RYR2: variants seen among roughly 807,000 people sequenced by gnomAD.
The protein encoded by RYR2 is cardiac muscle ryanodine receptor-calcium release channel.
A neutral mutation model predicts 601.1 loss-of-function variants in RYR2; 227 were observed. That is an observed-to-expected ratio of 0.38 (90% CI 0.34 to 0.42). The LOEUF is 0.42. RYR2 is among the 10% of genes least tolerant of loss of function. The probability of loss-of-function intolerance (pLI) is 1.00; values close to 1 mark genes in which losing one functional copy is unlikely to be tolerated. For missense variants in RYR2, 4,646 were observed against 6,156.5 expected, an observed-to-expected ratio of 0.75 and a Z score of 8.21; for synonymous variants, 2,223 against 2,175.1, an observed-to-expected ratio of 1.02 and a Z score of -0.61.
At chr1:237,343,596 C>G (rs1343374932) in intron 3 of RYR2, among the ~76,000 whole-genome samples, 6 of 152,042 alleles carry the variant, frequency 3.9e-5, no homozygotes, top group African/African-American at 1.2e-4. Context: ...TAGTGATTAT[C>G]TTTACACAGT....
chr1:237,273,107 A>G (rs1689869021), intron 2 of RYR2, among the ~76,000 whole-genome samples: 1 of 152,100 alleles, frequency 6.6e-6, no homozygotes, highest in African/African-American at 2.4e-5. Context: ...AATAAATTCT[A>G]GAACTCACCA....
Position 237,303,449 on chromosome 1 carries a change from G to A in RYR2, c.169-27429G>A, listed in dbSNP as rs1049084875. Reference sequence around the variant, plus strand: ...CAAGTAGCTGGGATTACGGGTGCACGCCACCACTCCTGGCTAATTTTTGTA... The same window carrying A: ...CAAGTAGCTGGGATTACGGGTGCACACCACCACTCCTGGCTAATTTTTGTA... On this transcript the variant is annotated intron_variant, in intron 2 of 104. Transcript: ENST00000366574. 7.3e-5 allele frequency among the ~76,000 whole-genome samples: 11 copies of A among 151,614 alleles called. No individual in the cohort carries two copies. The South Asian group carries it at 8.4e-4, about 12-fold the overall frequency.
At chr1:237,168,114 G>A (rs41356946) in intron 1 of RYR2, among the ~76,000 whole-genome samples, 2,144 of 152,262 alleles carry the variant, frequency 0.014, 54 homozygotes, top group African/African-American at 0.048. Flanking sequence ...CTATCACAGT[G>A]TGTCTTGGAA....
intron 10 of RYR2, among the ~76,000 whole-genome samples, chr1:237,388,411 A>G (rs958929902): frequency 6.6e-6 from 1 of 152,258 alleles, no homozygotes. Context: ...TAATTAAAAC[A>G]TATTAAGAAA....
chr1:237,498,952 A>G (rs1664353448), intron 20 of RYR2, among the ~76,000 whole-genome samples: 1 of 152,220 alleles, frequency 6.6e-6, no homozygotes, highest in Non-Finnish European at 1.5e-5. Flanking sequence ...GGAGTCTATT[A>G]AATGCTTTGC....
chr1:237,122,447 C>CGAGGCGGGGGGATCACTT (rs1670896517), intron 1 of RYR2, among the ~76,000 whole-genome samples: 1 of 152,100 alleles, frequency 6.6e-6, no homozygotes, highest in African/African-American at 2.4e-5. Context: ...CTTGGGAGGT[C>CGAGGCGGGGGGATCACTT]GAGGCGGGGG....
At position 237,654,351 on chromosome 1, in the gene RYR2, A is replaced by G; in HGVS notation, c.7902A>G (p.Ser2634=). 3 of 1,613,998 alleles carry G rather than the reference A, an allele frequency of 1.9e-6. No individual in the cohort carries two copies. The highest frequency in any genetic ancestry group is 2.5e-6 in the Non-Finnish European group (3 of 1,179,860). The change falls in exon 52 of 105, where the codon TCA becomes TCG. Residue 2634 remains serine, a synonymous_variant. Coordinates refer to ENST00000366574, the MANE Select transcript of RYR2 (RefSeq NM_001035.3). ...GGTGGGGAAACTTTGGTGCTGCCTC[A>G]GAAGAAGAACTTCATTTATCAAGAA... The part of the protein sequence containing the change: ...PGGWGNFGAA[S]EEELHLSRKL...
intron 2 of RYR2, among the ~76,000 whole-genome samples, chr1:237,327,395 C>A (rs1558629362): frequency 6.6e-6 from 1 of 152,160 alleles, no homozygotes; most frequent in African/African-American, 2.4e-5. Context: ...AGGATTAATT[C>A]ATTTGAAACC....
Position 237,602,106 on chromosome 1 carries a change from A to T in RYR2, c.4678A>T (p.Ile1560Leu). ...PNVFQFELGR[I>L]KNVMPLSAGL... ...TGTTTTCCAGTTTGAGTTGGGAAGA[A>T]TAAAGGTAATAAAACTTATTCCTGG... is the stretch of plus-strand genomic sequence containing the variant. The change falls in exon 35 of 105, where the codon ATA (isoleucine) becomes TTA (leucine). Residue 1560 changes from isoleucine (I) to leucine (L), a missense_variant. Physicochemically the swap from Ile to Leu is conservative, Grantham distance 5. Transcript: ENST00000366574. 6.2e-7 allele frequency: 1 copy of T among 1,609,820 alleles called. No homozygotes were observed. Among genetic ancestry groups the T allele is most frequent in the Non-Finnish European group, 8.5e-7 (1 of 1,177,246 alleles).
intron 12 of RYR2, among the ~76,000 whole-genome samples, chr1:237,425,294 T>C (rs867955534): frequency 3.3e-5 from 5 of 151,878 alleles, no homozygotes; most frequent in Admixed American, 1.3e-4. Context: ...CCTTGCAACA[T>C]GGGGATATAG....
intron 12 of RYR2, among the ~76,000 whole-genome samples, chr1:237,427,724 A>G (rs1033648335): frequency 9.1e-5 from 12 of 131,288 alleles, no homozygotes; most frequent in Admixed American, 4.8e-4. Flanking sequence ...CAGAGGTTGC[A>G]GTGAGCCTAA....
chr1:237,288,376 A>G (rs1386773157), intron 2 of RYR2, among the ~76,000 whole-genome samples: 1 of 152,070 alleles, frequency 6.6e-6, no homozygotes, highest in East Asian at 1.9e-4. Context: ...TAGAGCTCCC[A>G]AGATTATATG....
intron 1 of RYR2, among the ~76,000 whole-genome samples, chr1:237,113,637 C>G (rs1346534389): frequency 6.6e-6 from 1 of 152,110 alleles, no homozygotes; most frequent in Non-Finnish European, 1.5e-5. Flanking sequence ...GGTACATCAT[C>G]AATGTGTGAG....
chr1:237,663,559 C>T (rs545249117), intron 56 of RYR2, among the ~76,000 whole-genome samples: 7 of 152,270 alleles, frequency 4.6e-5, no homozygotes, highest in South Asian at 2.1e-4. Context: ...TAGCTGGTAT[C>T]GTGAGCTTGG....
rs1356215434 is a variant in RYR2, at chr1:237,786,040, T to C, written c.13328+4T>C. 2 of 1,560,908 alleles carry C rather than the reference T, an allele frequency of 1.3e-6. No homozygotes were observed. Among genetic ancestry groups the C allele is most frequent in the South Asian group, 1.2e-5 (1 of 85,948 alleles). Reference sequence around the variant, plus strand: ...AATCTGAACCTGAAAAAGCCGAGTATGTATAGTTTGCATATACTTTTCCTT... The same window carrying C: ...AATCTGAACCTGAAAAAGCCGAGTACGTATAGTTTGCATATACTTTTCCTT... On this transcript the variant is annotated splice_donor_region_variant and intron_variant, in intron 91 of 104. Transcript: ENST00000366574.
intron 11 of RYR2, among the ~76,000 whole-genome samples, chr1:237,421,317 A>G (rs999163856): frequency 6.6e-6 from 1 of 152,224 alleles, no homozygotes; most frequent in African/African-American, 2.4e-5. Context: ...ACTTAATTTT[A>G]TAAGAGGAGG....
At chr1:237,294,522 G>C (rs774981855) in intron 2 of RYR2, among the ~76,000 whole-genome samples, 10 of 151,914 alleles carry the variant, frequency 6.6e-5, no homozygotes, top group Non-Finnish European at 1.2e-4. Context: ...TTTATTTGGT[G>C]TCTATTGAGA....
intron 1 of RYR2, among the ~76,000 whole-genome samples, chr1:237,138,066 C>T (rs1167443665): frequency 6.6e-6 from 1 of 151,284 alleles, no homozygotes; most frequent in African/African-American, 2.5e-5. Flanking sequence ...GAGTCTTGCT[C>T]TGTCACCCAG....
chr1:237,491,834 A>G lies in RYR2; in HGVS notation c.1737A>G (p.Leu579=), dbSNP rs1328180181. ...SGILEVLHCV[L]VESPEALNII... The stretch of plus-strand genomic sequence containing the variant: ...TTCTGGAAGTTTTACACTGTGTTTT[A>G]GTAGAAAGTCCAGAAGCTCTAAATA... Residue 579 remains leucine, a synonymous_variant, in exon 18 of 105, where the codon TTA becomes TTG. Transcript: ENST00000366574. 1 of 1,476,484 alleles carries G rather than the reference A, an allele frequency of 6.8e-7. No homozygotes were observed. Among genetic ancestry groups the G allele is most frequent in the African/African-American group, 1.4e-5 (1 of 71,690 alleles). 91.5% of individuals were successfully genotyped at this position (1,476,484 alleles called of 1,614,324 possible).
Sources: gnomAD v4.1 joint callset for allele counts (sites outside exome capture counted in the v4.1 genomes callset) on GRCh38, gnomAD v4.1.1 for gene constraint, MANE v1.5 for transcripts, NCBI Gene and HGNC (gene_info 2026-07-23, HGNC 2026-07-21) for gene names.